The following CNOT6L variants were observed in gnomAD, a reference collection of about 807,000 sequenced individuals.
The protein encoded by CNOT6L is CCR4-NOT transcription complex subunit 6 like, also known as CCR4-NOT transcription complex subunit 6-like.
A neutral mutation model predicts 64.0 loss-of-function variants in CNOT6L; 7 were observed. The ratio of observed to expected loss-of-function variants is 0.11; its 90% CI spans 0.06 to 0.21. The LOEUF (loss-of-function observed/expected upper bound fraction) is 0.21. CNOT6L is among the 10% of genes least tolerant of loss of function. The probability of loss-of-function intolerance (pLI) is 1.00; values close to 1 mark genes in which losing one functional copy is unlikely to be tolerated. For synonymous variants in CNOT6L, 193 were observed against 243.4 expected (o/e 0.79, Z 1.93); for missense variants, 245 against 669.0 (o/e 0.37, Z 6.99).
At chr4:77,794,421 T>C (rs1215434182) in intron 1 of CNOT6L, among the ~76,000 whole-genome samples, 1 of 151,822 alleles carries the variant, frequency 6.6e-6, no homozygotes, top group African/African-American at 2.4e-5. Context: ...AAAAAAAGAG[T>C]GATCCATCAT....
intron 8 of CNOT6L, among the ~76,000 whole-genome samples, chr4:77,741,306 A>G (rs1723558156): frequency 6.6e-6 from 1 of 152,204 alleles, no homozygotes; most frequent in Non-Finnish European, 1.5e-5. Flanking sequence ...TGCTGGTAAT[A>G]TGCTTGGATC....
intron 1 of CNOT6L, among the ~76,000 whole-genome samples, chr4:77,795,239 G>A (rs765600656): frequency 3.7e-4 from 56 of 151,896 alleles, no homozygotes; most frequent in Non-Finnish European, 7.4e-4. Context: ...GGCTGGTCTC[G>A]AGCTCCTGAC....
chr4:77,798,394 T>C (rs774860032), intron 1 of CNOT6L, among the ~76,000 whole-genome samples: 2 of 152,154 alleles, frequency 1.3e-5, no homozygotes, highest in Non-Finnish European at 2.9e-5. Flanking sequence ...TGATAAAGAA[T>C]GTATATCCAA....
At chr4:77,767,660 T>C (rs918600675) in intron 4 of CNOT6L, among the ~76,000 whole-genome samples, 3 of 152,048 alleles carry the variant, frequency 2.0e-5, no homozygotes, top group South Asian at 2.1e-4. Context: ...CTCACCAAAT[T>C]AGACCCCTCA....
At chr4:77,738,769 A>AAAC (rs10653832) in intron 8 of CNOT6L, among the ~76,000 whole-genome samples, 2 of 151,864 alleles carry the variant, frequency 1.3e-5, no homozygotes, top group Non-Finnish European at 2.9e-5. Flanking sequence ...AAAAAAAAAA[A>AAAC]AATGTATTTA....
At chr4:77,760,650 G>C (rs1015918566) in intron 4 of CNOT6L, among the ~76,000 whole-genome samples, 1 of 150,782 alleles carries the variant, frequency 6.6e-6, no homozygotes, top group African/African-American at 2.4e-5. Flanking sequence ...ATTTCTCTTT[G>C]ACCAGAACGA....
chr4:77,734,312 TTTAAAAG>T (rs1159794699), intron 8 of CNOT6L, among the ~76,000 whole-genome samples: 1 of 152,096 alleles, frequency 6.6e-6, no homozygotes, highest in East Asian at 1.9e-4. Flanking sequence ...AATACCTCCA[TTTAAAAG>T]TTAATATATT....
At chr4:77,731,689 C>A in intron 8 of CNOT6L, 151 bp from the exon 9 acceptor site, 1 of 534,284 alleles carries the variant, frequency 1.9e-6, no homozygotes, top group African/African-American at 2.0e-5. Context: ...CACAAGAAGT[C>A]TGATTATTGT....
chr4:77,799,704 C>CAAAAAAA lies in CNOT6L; in HGVS notation c.5+19593_5+19599dup, dbSNP rs71214370. On this transcript the variant is annotated intron_variant, in intron 1 of 11. Transcript: ENST00000504123. ...AGGTGAGGGGAGTGAAACTCCATCT[C>CAAAAAAA]AAAAAAAAAAAAAAAAAAAGGAACA... 2.2e-5 allele frequency among the ~76,000 whole-genome samples: 2 copies of CAAAAAAA among 90,930 alleles called. 1 individual carries two copies. Among genetic ancestry groups the CAAAAAAA allele is most frequent in the Non-Finnish European group, 4.2e-5 (2 of 47,984 alleles). 59.7% of individuals were successfully genotyped at this position (90,930 alleles called of 152,430 possible). A position where few individuals can be genotyped will look rare whatever the true frequency, so the allele number is the denominator to read the frequency against.
intron 1 of CNOT6L, among the ~76,000 whole-genome samples, chr4:77,805,584 C>T (rs111764155): frequency 1.3e-5 from 2 of 152,258 alleles, no homozygotes; most frequent in African/African-American, 4.8e-5. Context: ...CTCAAAATAT[C>T]TATATGTACC....
Position 77,774,448 on chromosome 4 carries a change from C to T in CNOT6L, c.314+82G>A, listed in dbSNP as rs1727943887. 2.7e-6 allele frequency: 3 copies of T among 1,102,620 alleles called. No individual in the cohort carries two copies. The Admixed American group carries it at 7.2e-5, about 27-fold the overall frequency. The allele number at this position is 1,102,620 out of a possible 1,614,324, so 68.3% of individuals were successfully genotyped here. The stretch of plus-strand genomic sequence containing the variant: ...TTTGATAGTTACAACACACAGAAAT[C>T]CTACTGTAATAAAGTAACATCCCCT... On this transcript the variant is annotated intron_variant, in intron 3 of 11. Coordinates refer to ENST00000504123, the MANE Select transcript of CNOT6L (RefSeq NM_144571.3).
chr4:77,759,942 C>T (rs549359024), intron 4 of CNOT6L, among the ~76,000 whole-genome samples: 9 of 152,258 alleles, frequency 5.9e-5, no homozygotes, highest in African/African-American at 1.9e-4. Context: ...TAAAATCATA[C>T]AAAACATACA....
At chr4:77,762,356 T>C (rs548334985) in intron 4 of CNOT6L, among the ~76,000 whole-genome samples, 1 of 152,276 alleles carries the variant, frequency 6.6e-6, no homozygotes, top group East Asian at 1.9e-4. Flanking sequence ...AATCAAACAT[T>C]TTGATATTAG....
At chr4:77,748,445 T>C (rs1724451798) in intron 5 of CNOT6L, 61 bp from the exon 6 acceptor site, 6 of 1,084,670 alleles carry the variant, frequency 5.5e-6, no homozygotes, top group Admixed American at 5.3e-5. Context: ...GAAATGTGTT[T>C]ATAATGTCAA....
intron 1 of CNOT6L, among the ~76,000 whole-genome samples, chr4:77,811,526 G>A (rs1163265080): frequency 3.9e-5 from 6 of 152,112 alleles, no homozygotes; most frequent in Admixed American, 2.6e-4. Context: ...CAGACTGGGC[G>A]ATAGAGCAAG....
intron 3 of CNOT6L, among the ~76,000 whole-genome samples, chr4:77,773,483 C>T (rs941559294): frequency 6.6e-6 from 1 of 152,168 alleles, no homozygotes; most frequent in Non-Finnish European, 1.5e-5. Flanking sequence ...CTATCAAATG[C>T]AAATGCGACA....
intron 4 of CNOT6L, among the ~76,000 whole-genome samples, chr4:77,764,983 G>A (rs970783465): frequency 6.6e-6 from 1 of 152,162 alleles, no homozygotes; most frequent in Non-Finnish European, 1.5e-5. Context: ...CTACTGGGCT[G>A]CATTTCAAGA....
At chr4:77,793,945 G>T (rs1011613536) in intron 1 of CNOT6L, among the ~76,000 whole-genome samples, 70 of 151,848 alleles carry the variant, frequency 4.6e-4, no homozygotes, top group African/African-American at 1.6e-3. Flanking sequence ...GAGGTCAGGG[G>T]TTCGAGACCA....
chr4:77,772,606 A>T (rs1727690345), intron 4 of CNOT6L, among the ~76,000 whole-genome samples: 1 of 152,174 alleles, frequency 6.6e-6, no homozygotes, highest in Admixed American at 6.5e-5. Flanking sequence ...TGAAATCTTC[A>T]AGTTCAATTT....
Sources: allele counts gnomAD v4.1 joint callset (sites outside exome capture counted in the v4.1 genomes callset), GRCh38; gene constraint gnomAD v4.1.1; transcripts MANE v1.5; gene names NCBI Gene and HGNC (gene_info 2026-07-23, HGNC 2026-07-21).